The following L3MBTL4 variants were observed in gnomAD, a reference collection of about 807,000 sequenced individuals.
L3MBTL4 encodes the protein lethal(3)malignant brain tumor-like protein 4.
In L3MBTL4, 70 loss-of-function variants were observed where a neutral mutation model predicts 84.5. That is an observed-to-expected ratio of 0.83 (90% CI 0.68 to 1.01). The LOEUF (loss-of-function observed/expected upper bound fraction) is 1.01, where lower values mean the gene tolerates loss of function less well. Ranked by LOEUF, L3MBTL4 falls within the 50% of genes least tolerant of loss-of-function variation. L3MBTL4 has a pLI of 0.00. For synonymous variants in L3MBTL4, 274 were observed against 259.8 expected (o/e 1.05, Z -0.52); for missense variants, 715 against 754.8 (o/e 0.95, Z 0.62).
At chr18:6,166,338 A>G (rs545588496) in intron 13 of L3MBTL4, among the ~76,000 whole-genome samples, 17 of 151,782 alleles carry the variant, frequency 1.1e-4, no homozygotes, top group Admixed American at 1.0e-3. Context: ...CCTAATAGAC[A>G]TCTACAGAAC....
chr18:5,966,370 C>T (rs1289755911), intron 17 of L3MBTL4, among the ~76,000 whole-genome samples: 1 of 152,170 alleles, frequency 6.6e-6, no homozygotes, highest in African/African-American at 2.4e-5. Context: ...ACTCCAGGAA[C>T]CCAGCCTCAA....
At chr18:6,290,067 C>T (rs1020746833) in intron 4 of L3MBTL4, among the ~76,000 whole-genome samples, 12 of 152,068 alleles carry the variant, frequency 7.9e-5, no homozygotes, top group African/African-American at 1.9e-4. Flanking sequence ...ACCACAGACA[C>T]GTGTCACCAC....
At chr18:6,285,155 G>A (rs1392483641) in intron 4 of L3MBTL4, among the ~76,000 whole-genome samples, 1 of 152,214 alleles carries the variant, frequency 6.6e-6, no homozygotes, top group African/African-American at 2.4e-5. Context: ...AGCTCTTGGA[G>A]CAAAGGAGCT....
chr18:5,956,490 G>A (rs2095227727), intron 18 of L3MBTL4, 103 bp from the exon 19 acceptor site: 1 of 987,154 alleles, frequency 1.0e-6, no homozygotes, highest in South Asian at 1.5e-5. Context: ...ACCCGTCATA[G>A]CCTCCGTGTT....
At chr18:6,142,025 A>T (rs1353370440) in intron 13 of L3MBTL4, among the ~76,000 whole-genome samples, 1 of 152,252 alleles carries the variant, frequency 6.6e-6, no homozygotes, top group Non-Finnish European at 1.5e-5. Flanking sequence ...GCTGGCAAGA[A>T]CATTCCACTG....
At chr18:6,098,224 G>A (rs2058702872) in intron 14 of L3MBTL4, among the ~76,000 whole-genome samples, 1 of 152,194 alleles carries the variant, frequency 6.6e-6, no homozygotes, top group Admixed American at 6.5e-5. Context: ...GAGGTGGACA[G>A]TTCACAGCAG....
intron 1 of L3MBTL4, among the ~76,000 whole-genome samples, chr18:6,390,022 T>C (rs1352907670): frequency 1.3e-5 from 2 of 152,146 alleles, no homozygotes; most frequent in African/African-American, 2.4e-5. Flanking sequence ...ACATGGAGCA[T>C]TCTCCAAGAC....
intron 3 of L3MBTL4, among the ~76,000 whole-genome samples, chr18:6,304,119 C>A (rs2050473870): frequency 6.6e-6 from 1 of 151,312 alleles, no homozygotes; most frequent in African/African-American, 2.4e-5. Flanking sequence ...TTAATGAAAG[C>A]AAACTAGTTT....
intron 14 of L3MBTL4, among the ~76,000 whole-genome samples, chr18:6,131,413 T>A (rs1598852725): frequency 6.6e-6 from 1 of 152,204 alleles, no homozygotes; most frequent in African/African-American, 2.4e-5. Flanking sequence ...TTCTTCTTTT[T>A]CTTAAATATA....
At chr18:6,361,942 C>A (rs893477946) in intron 1 of L3MBTL4, among the ~76,000 whole-genome samples, 1 of 151,682 alleles carries the variant, frequency 6.6e-6, no homozygotes, top group African/African-American at 2.4e-5. Context: ...ATAGTGAGAC[C>A]CCCATCCCTA....
intron 10 of L3MBTL4, among the ~76,000 whole-genome samples, chr18:6,224,460 C>T (rs367546763): frequency 2.2e-4 from 33 of 152,144 alleles, no homozygotes; most frequent in Admixed American, 1.4e-3. Flanking sequence ...CCCAACACAA[C>T]GGGGGAACCA....
At chr18:6,109,431 G>A (rs1325537781) in intron 14 of L3MBTL4, among the ~76,000 whole-genome samples, 2 of 152,074 alleles carry the variant, frequency 1.3e-5, no homozygotes, top group East Asian at 3.9e-4. Context: ...AAGTTCCTGG[G>A]CACCAGTGAC....
At position 6,301,958 on chromosome 18, in the gene L3MBTL4, C is replaced by A. The variant is rs1193957956; in HGVS notation, c.73-1G>T. The A allele has an allele frequency of 6.2e-7, 1 of 1,610,922 alleles. No homozygotes were observed. The highest frequency in any genetic ancestry group is 1.1e-5 in the South Asian group (1 of 91,022). ...GCTTCTTTTCCTCTTCAGCTTGCTC[C>A]TAGAATACAGAAAATGGTGTTTAGA... is the stretch of plus-strand genomic sequence containing the variant. On this transcript the variant is annotated splice_acceptor_variant, in intron 3 of 18. Transcript: ENST00000317931. LOFTEE classifies it high-confidence loss of function.
Position 6,244,545 on chromosome 18 carries a change from A to T in L3MBTL4, c.263T>A (p.Met88Lys), listed in dbSNP as rs758986432. Residue 88 changes from methionine to lysine, a missense_variant, in exon 6 of 19, where the codon ATG (methionine) becomes AAG (lysine). Met to Lys is a moderately conservative substitution (Grantham distance 95). Transcript: ENST00000317931. ...TCGGGGATCAATGCCTTCTAATCTCATTCCAATCTGAAAACCATTTTCATG... is the reference window on the plus strand; with the variant it reads ...TCGGGGATCAATGCCTTCTAATCTCTTTCCAATCTGAAAACCATTTTCATG... The part of the protein sequence containing the change: ...PEHENGFQIG[M>K]RLEGIDPRHP... 1 of 1,613,014 alleles carries T rather than the reference A, an allele frequency of 6.2e-7. No individual in the cohort carries two copies. Among genetic ancestry groups the T allele is most frequent in the Non-Finnish European group, 8.5e-7 (1 of 1,178,970 alleles).
intron 16 of L3MBTL4, among the ~76,000 whole-genome samples, chr18:6,059,550 T>A (rs2057136836): frequency 6.6e-6 from 1 of 151,978 alleles, no homozygotes; most frequent in South Asian, 2.1e-4. Flanking sequence ...TAAGAAAAAA[T>A]TTTGTATGAA....
intron 14 of L3MBTL4, among the ~76,000 whole-genome samples, chr18:6,113,082 T>C (rs1259907382): frequency 6.6e-6 from 1 of 152,142 alleles, no homozygotes; most frequent in Non-Finnish European, 1.5e-5. Flanking sequence ...TCTTCCATAT[T>C]TAATCCAATT....
rs116055597 is a variant in L3MBTL4 at position 6,216,892 on chromosome 18, G to T, written c.785-1057C>A. Reference sequence around the variant, plus strand: ...ATGTCATGTGACATATAGAATTCCTGCTTTTGAGGTTTGAGGATTTCTTTT... The same window carrying T: ...ATGTCATGTGACATATAGAATTCCTTCTTTTGAGGTTTGAGGATTTCTTTT... On this transcript the variant is annotated intron_variant, in intron 10 of 18. Coordinates refer to ENST00000317931, the MANE Select transcript of L3MBTL4 (RefSeq NM_001330559.2). 3.4e-3 allele frequency among the ~76,000 whole-genome samples: 515 copies of T among 152,138 alleles called. 4 individuals are homozygous for T. The highest frequency in any genetic ancestry group is 0.012 in the African/African-American group (493 of 41,518).
intron 4 of L3MBTL4, among the ~76,000 whole-genome samples, chr18:6,289,540 T>G (rs1369392913): frequency 6.6e-6 from 1 of 152,244 alleles, no homozygotes; most frequent in Non-Finnish European, 1.5e-5. Context: ...TTTGATTTCT[T>G]TAGGTAAAGT....
chr18:6,114,148 G>A (rs946105839), intron 14 of L3MBTL4, among the ~76,000 whole-genome samples: 1 of 152,214 alleles, frequency 6.6e-6, no homozygotes, highest in Non-Finnish European at 1.5e-5. Flanking sequence ...AGATGACAGT[G>A]AGTAAAGCAG....
Sources: allele counts gnomAD v4.1 joint callset (sites outside exome capture counted in the v4.1 genomes callset), GRCh38; gene constraint gnomAD v4.1.1; transcripts MANE v1.5; gene names NCBI Gene and HGNC (gene_info 2026-07-23, HGNC 2026-07-21).